RIC8A: variants seen among roughly 807,000 people sequenced by gnomAD.
The protein encoded by RIC8A is chaperone Ric-8A.
RIC8A carries 37 observed loss-of-function variants against 48.4 expected under a neutral mutation model. That is an observed-to-expected ratio of 0.77 (90% confidence interval 0.59 to 1.01). The LOEUF is 1.01. RIC8A is among the 50% of genes least tolerant of loss of function. The probability of loss-of-function intolerance (pLI) is 0.00; values close to 1 mark genes in which losing one functional copy is unlikely to be tolerated. For synonymous variants in RIC8A, 288 were observed against 283.4 expected (o/e 1.02, Z -0.16); for missense variants, 681 against 696.8 (o/e 0.98, Z 0.25).
rs1855483653 is a variant in RIC8A at position 214,597 on chromosome 11, CTTTCT to C, written c.*251_*255del. On this transcript the variant is annotated 3_prime_UTR_variant, in exon 10 of 10. Transcript: ENST00000526104. ...AGCCTCGAATTCCACAGACGAAGTA[CTTTCT>C]TTTGTCTGCGCCAAGAGGAATGTGT... 3.5e-6 allele frequency: 2 copies of C among 578,190 alleles called. No homozygotes were observed. Among genetic ancestry groups the C allele is most frequent in the Admixed American group, 5.1e-5 (2 of 38,930 alleles). The allele number at this position is 578,190 out of a possible 1,614,324, so 35.8% of individuals were successfully genotyped here.
chr11:210,245 G>A (rs1855318478), intron 3 of RIC8A: 1 of 659,084 alleles, frequency 1.5e-6, no homozygotes, highest in Non-Finnish European at 2.8e-6. Flanking sequence ...GGTGTCTGGG[G>A]AGACTGTAAG....
chr11:210,670 T>A lies in RIC8A; in HGVS notation c.818+8T>A. 6.2e-7 allele frequency: 1 copy of A among 1,613,570 alleles called. No individual in the cohort carries two copies. The highest frequency in any genetic ancestry group is 8.5e-7 in the Non-Finnish European group (1 of 1,179,564). On this transcript the variant is annotated splice_region_variant and intron_variant, in intron 4 of 9. Transcript: ENST00000526104. ...CACAGAGGAGTTCCACGGGTGAGAA[T>A]GGGGCTTTTTCTGGGAGGGAAGTGT...
intron 4 of RIC8A, 152 bp downstream of exon 4, chr11:210,814 G>C: frequency 1.4e-6 from 1 of 714,682 alleles, no homozygotes; most frequent in Non-Finnish European, 2.4e-6. Flanking sequence ...ACATAGCCAT[G>C]AATTTGGGGG....
At chr11:213,043 C>G in intron 8 of RIC8A, 62 bp downstream of exon 8, 1 of 1,497,882 alleles carries the variant, frequency 6.7e-7, no homozygotes, top group Non-Finnish European at 8.9e-7. Flanking sequence ...TGCTTCCACA[C>G]CCATGTGGAC....
chr11:210,827 G>T, intron 4 of RIC8A, 165 bp downstream of exon 4: 1 of 676,136 alleles, frequency 1.5e-6, no homozygotes, highest in African/African-American at 1.8e-5. Flanking sequence ...TTTGGGGGCA[G>T]GAATGTGCCA....
chr11:214,454 C>T lies in RIC8A; in HGVS notation c.*104C>T, dbSNP rs777465057. ...CACATCCCACTGGATCCACACCCGC[C>T]CCCACTTCTCCATCTTAGAAACCCC... is the stretch of plus-strand genomic sequence containing the variant. On this transcript the variant is annotated 3_prime_UTR_variant, in exon 10 of 10. Coordinates refer to ENST00000526104, the MANE Select transcript of RIC8A (RefSeq NM_001286134.2). 5.9e-6 allele frequency: 8 copies of T among 1,363,172 alleles called. No homozygotes were observed. In the South Asian group the frequency reaches 8.7e-5, roughly 15 times the overall value. The allele number at this position is 1,363,172 out of a possible 1,614,324, so 84.4% of individuals were successfully genotyped here.
chr11:208,800 G>A lies in RIC8A; in HGVS notation c.-55G>A. The stretch of plus-strand genomic sequence containing the variant: ...CTTTCTGGGCCAGGGCGGGGCCGGC[G>A]AACTGCGGCCCGGAACGGCTGAGGA... On this transcript the variant is annotated 5_prime_UTR_variant, in exon 1 of 10. Coordinates refer to ENST00000526104, the MANE Select transcript of RIC8A (RefSeq NM_001286134.2). This position sits in a 1 kb window ranked among gnomAD's most constrained non-coding sequence, Gnocchi z 4.8. 2.0e-6 allele frequency: 3 copies of A among 1,487,496 alleles called. No individual in the cohort carries two copies. Among genetic ancestry groups the A allele is most frequent in the South Asian group, 2.4e-5 (2 of 83,782 alleles). The allele number at this position is 1,487,496 out of a possible 1,614,324, so 92.1% of individuals were successfully genotyped here. A position where few individuals can be genotyped will look rare whatever the true frequency, so the allele number is the denominator to read the frequency against.
At position 211,508 on chromosome 11, in the gene RIC8A, G is replaced by A; in HGVS notation, c.969+159G>A. On this transcript the variant is annotated intron_variant, in intron 5 of 9. Coordinates refer to ENST00000526104, the MANE Select transcript of RIC8A (RefSeq NM_001286134.2). This position sits in a 1 kb window ranked among gnomAD's most constrained non-coding sequence, Gnocchi z 4.0. ...TTCCGGTTGTTCTGTGGTCCAGCCT[G>A]GCAAGAAGCCAGACCCTTCCTCCAT... The A allele has an allele frequency of 2.7e-6, 2 of 741,944 alleles. No individual in the cohort carries two copies. The highest frequency in any genetic ancestry group is 4.2e-6 in the Non-Finnish European group (2 of 477,956). 46.0% of individuals were successfully genotyped at this position (741,944 alleles called of 1,614,324 possible). A position where few individuals can be genotyped will look rare whatever the true frequency, so the allele number is the denominator to read the frequency against.
chr11:209,156 T>A, intron 1 of RIC8A, 115 bp from the exon 2 acceptor site: 1 of 1,311,022 alleles, frequency 7.6e-7, no homozygotes, highest in Non-Finnish European at 1.1e-6. Context: ...GTGCCGACCC[T>A]GCCATCCGTT....
Position 212,982 on chromosome 11 carries a change from G to T in RIC8A, c.1355+1G>T. 6.5e-7 allele frequency: 1 copy of T among 1,544,092 alleles called. No individual in the cohort carries two copies. The highest frequency in any genetic ancestry group is 8.7e-7 in the Non-Finnish European group (1 of 1,146,754). On this transcript the variant is annotated splice_donor_variant, in intron 8 of 9. Coordinates refer to ENST00000526104, the MANE Select transcript of RIC8A (RefSeq NM_001286134.2). LOFTEE classifies it high-confidence loss of function. Reference sequence around the variant, plus strand: ...ATGAGTACAAGGAAGCCAAAGCCAGGTGTGTACCCCCAACACACCCTCGGG... The same window carrying T: ...ATGAGTACAAGGAAGCCAAAGCCAGTTGTGTACCCCCAACACACCCTCGGG...
Position 212,989 on chromosome 11 carries a change from C to G in RIC8A, c.1355+8C>G, listed in dbSNP as rs751602258. On this transcript the variant is annotated splice_region_variant and intron_variant, in intron 8 of 9. Coordinates refer to ENST00000526104, the MANE Select transcript of RIC8A (RefSeq NM_001286134.2). ...CAAGGAAGCCAAAGCCAGGTGTGTACCCCCAACACACCCTCGGGTCTCCAC... is the reference window on the plus strand; with the variant it reads ...CAAGGAAGCCAAAGCCAGGTGTGTAGCCCCAACACACCCTCGGGTCTCCAC... 1 of 1,540,824 alleles carries G rather than the reference C, an allele frequency of 6.5e-7. No homozygotes were observed. Among genetic ancestry groups the G allele is most frequent in the Admixed American group, 2.0e-5 (1 of 49,200 alleles).
At chr11:213,136 GA>G in intron 8 of RIC8A, 155 bp downstream of exon 8, 1 of 1,365,344 alleles carries the variant, frequency 7.3e-7, no homozygotes, top group South Asian at 1.5e-5. Flanking sequence ...TGGGATACCA[GA>G]AGGTGGCAGA....
rs144729121 is a variant in RIC8A at position 214,326 on chromosome 11, G to A, written c.1572G>A (p.Ser524=). 8.6e-5 allele frequency: 138 copies of A among 1,607,664 alleles called. No homozygotes were observed. Among genetic ancestry groups the A allele is most frequent in the East Asian group, 8.9e-5 (4 of 44,712 alleles). The stretch of plus-strand genomic sequence containing the variant: ...AGACTATGGAGCAGCAGCTCTCCTC[G>A]GACCCTGACTCGGACCCTGACTGAG... ...MCETMEQQLS[S]DPDSDPD is the part of the protein sequence containing the mutation. Residue 524 remains serine, a synonymous_variant, in exon 10 of 10, where the codon TCG becomes TCA. Transcript: ENST00000526104.
chr11:214,594 G>A lies in RIC8A; in HGVS notation c.*244G>A, dbSNP rs563910289. 28 of 589,326 alleles carry A rather than the reference G, an allele frequency of 4.8e-5. No homozygotes were observed. The East Asian group carries it at 8.0e-4, about 17-fold the overall frequency. The allele number at this position is 589,326 out of a possible 1,614,324, so 36.5% of individuals were successfully genotyped here. On this transcript the variant is annotated 3_prime_UTR_variant, in exon 10 of 10. Transcript: ENST00000526104. ...CTCAGCCTCGAATTCCACAGACGAA[G>A]TACTTTCTTTTGTCTGCGCCAAGAG...
rs1457522827 is a variant in RIC8A at position 214,230 on chromosome 11, G to C, written c.1476G>C (p.Arg492Ser). The change falls in exon 10 of 10, where the codon AGG becomes AGC. Residue 492 changes from arginine to serine, a missense_variant and splice_region_variant. Physicochemically the swap from Arg to Ser is moderately radical, Grantham distance 110. Transcript: ENST00000526104. ...GCCCCACTGCACCTTTCCCCAACAGGAACAGAGTCATCCAGCCAATGGGGA... is the reference window on the plus strand; with the variant it reads ...GCCCCACTGCACCTTTCCCCAACAGCAACAGAGTCATCCAGCCAATGGGGA... ...KLVTMFDKLS[R>S]NRVIQPMGMS... 2 of 1,613,618 alleles carry C rather than the reference G, an allele frequency of 1.2e-6. No homozygotes were observed. The highest frequency in any genetic ancestry group is 3.3e-5 in the Admixed American group (2 of 59,942).
rs747021295 is a variant in RIC8A at position 213,432 on chromosome 11, G to A, written c.1475+14G>A. 1.2e-5 allele frequency: 19 copies of A among 1,569,016 alleles called. No individual in the cohort carries two copies. In the Admixed American group the frequency reaches 2.1e-4, roughly 17 times the overall value. On this transcript the variant is annotated intron_variant, in intron 9 of 9. Transcript: ENST00000526104. Reference sequence around the variant, plus strand: ...CAAGCTCTCCAGGTGTGTGGCATGAGGAGGAGGGGCCTGCAGCTGGGAGAA... The same window carrying A: ...CAAGCTCTCCAGGTGTGTGGCATGAAGAGGAGGGGCCTGCAGCTGGGAGAA...
At chr11:210,913 C>T (rs1362667798) in intron 4 of RIC8A, 7 of 603,944 alleles carry the variant, frequency 1.2e-5, no homozygotes, top group African/African-American at 1.1e-4. Flanking sequence ...TTTGGTCTAC[C>T]TGCCCCTAGG....
chr11:209,405 A>G lies in RIC8A; in HGVS notation c.133-2A>G. ...TGGAGCCGCTCTTCTCCCTGCCCAC[A>G]GAGACTGGCGGAGCTGCTGGTCTCC... On this transcript the variant is annotated splice_acceptor_variant, in intron 2 of 9. Transcript: ENST00000526104. LOFTEE classifies it high-confidence loss of function. The G allele has an allele frequency of 6.2e-7, 1 of 1,600,710 alleles. No individual in the cohort carries two copies.
At chr11:213,043 C>T (rs1855404482) in intron 8 of RIC8A, 62 bp downstream of exon 8, 3 of 1,497,882 alleles carry the variant, frequency 2.0e-6, no homozygotes, top group East Asian at 2.3e-5. Context: ...TGCTTCCACA[C>T]CCATGTGGAC....
Sources: gnomAD v4.1 joint callset for allele counts on GRCh38, gnomAD v4.1.1 for gene constraint, Gnocchi (gnomAD v3.1) non-coding constraint, MANE v1.5 for transcripts, NCBI Gene and HGNC (gene_info 2026-07-23, HGNC 2026-07-21) for gene names.